Variants in GCN1 observed in about 807,000 individuals in gnomAD.
GCN1 encodes GCN1 activator of EIF2AK4, also known as stalled ribosome sensor GCN1.
A neutral mutation model predicts 288.4 loss-of-function variants in GCN1; 90 were observed. The observed-to-expected ratio is 0.31, with a 90% CI of 0.26 to 0.37. GCN1 has a LOEUF of 0.37. Ranked by LOEUF, GCN1 falls within the 10% of genes least tolerant of loss-of-function variation. The pLI is 1.00. For synonymous variants in GCN1, 1,386 were observed against 1,420.2 expected (o/e 0.98, Z 0.54); for missense variants, 2,586 against 3,419.9 (o/e 0.76, Z 6.08).
chr12:120,168,367 CCTGAAG>C, intron 15 of GCN1, 67 bp from the exon 16 acceptor site: 1 of 927,246 alleles, frequency 1.1e-6, no homozygotes, highest in Non-Finnish European at 1.8e-6. Flanking sequence ...TCTACTCCAT[CCTGAAG>C]CTGCTGGGGT....
At chr12:120,186,750 T>A (rs770892425) in intron 2 of GCN1, among the ~76,000 whole-genome samples, 27 of 152,320 alleles carry the variant, frequency 1.8e-4, no homozygotes, top group Middle Eastern at 3.4e-3. Flanking sequence ...CACTGTGAGC[T>A]TACCATACCC....
Position 120,134,826 on chromosome 12 carries a change from G to A in GCN1, c.7009-100C>T. 1 of 985,158 alleles carries A rather than the reference G, an allele frequency of 1.0e-6. No homozygotes were observed. Among genetic ancestry groups the A allele is most frequent in the Non-Finnish European group, 1.6e-6 (1 of 635,594 alleles). The allele number at this position is 985,158 out of a possible 1,614,324, so 61.0% of individuals were successfully genotyped here. On this transcript the variant is annotated intron_variant, in intron 51 of 57. Coordinates refer to ENST00000300648, the MANE Select transcript of GCN1 (RefSeq NM_006836.2). This position sits in a 1 kb window ranked among gnomAD's most constrained non-coding sequence, Gnocchi z 5.0. ...CAAATGACAATCCCAAACCACCACA[G>A]CGAGTCCAGCTCTCATACAGGGCTG... is the stretch of plus-strand genomic sequence containing the variant.
rs542555864 is a variant in GCN1 at position 120,166,185 on chromosome 12, C to G, written c.1613-1464G>C. ...TGGGAGGCCAAAGCAGGCAGGTCAC[C>G]TGAAGTCAGGAGTTCGAGACCAGCC... On this transcript the variant is annotated intron_variant, in intron 16 of 57. Coordinates refer to ENST00000300648, the MANE Select transcript of GCN1 (RefSeq NM_006836.2). Among the ~76,000 whole-genome samples the G allele has an allele frequency of 1.7e-4, 25 of 151,132 alleles. 1 individual carries two copies. The East Asian group carries it at 5.0e-3, about 30-fold the overall frequency.
chr12:120,137,201 C>T lies in GCN1; in HGVS notation c.6777+5G>A, dbSNP rs1484090241. On this transcript the variant is annotated splice_donor_5th_base_variant and intron_variant, in intron 50 of 57. Coordinates refer to ENST00000300648, the MANE Select transcript of GCN1 (RefSeq NM_006836.2). The surrounding 1 kb of genome is among the most constrained non-coding windows in gnomAD (Gnocchi z 5.2). ...CACAGCCCCCTGCACGAGGCCCTGGCTTACCTTCTTCGGGAGGCAGAATCC... is the reference window on the plus strand; with the variant it reads ...CACAGCCCCCTGCACGAGGCCCTGGTTTACCTTCTTCGGGAGGCAGAATCC... 6.2e-7 allele frequency: 1 copy of T among 1,609,470 alleles called. No homozygotes were observed.
chr12:120,138,895 G>A (rs747604057), intron 45 of GCN1, 39 bp from the exon 46 acceptor site: 43 of 1,561,506 alleles, frequency 2.8e-5, no homozygotes, highest in Non-Finnish European at 3.4e-5. Context: ...ATGCAGGAAA[G>A]GCAAAGAAGG....
chr12:120,163,642 T>A (rs1878007279), intron 18 of GCN1, among the ~76,000 whole-genome samples: 1 of 152,028 alleles, frequency 6.6e-6, no homozygotes, highest in Middle Eastern at 3.2e-3. Context: ...TCTCCCTCCG[T>A]CGGGGGAGAC....
At chr12:120,130,148 A>G (rs1005260) in intron 56 of GCN1, among the ~76,000 whole-genome samples, 152,094 of 152,296 alleles carry the variant, frequency 1, 75,947 homozygotes, top group Middle Eastern at 1. Context: ...TCACTAAAAT[A>G]CACCCTGGCT....
At position 120,127,572 on chromosome 12, in the gene GCN1, G is replaced by C; in HGVS notation, c.*277C>G. On this transcript the variant is annotated 3_prime_UTR_variant, in exon 58 of 58. Transcript: ENST00000300648. ...CCCTGCTATTATAGTTCCAGACCTA[G>C]CCATGCTAAACTGGACAAACAGCTC... is the stretch of plus-strand genomic sequence containing the variant. 2.7e-6 allele frequency: 1 copy of C among 369,046 alleles called. No individual in the cohort carries two copies. Among genetic ancestry groups the C allele is most frequent in the South Asian group, 2.9e-5 (1 of 34,128 alleles). 22.9% of individuals were successfully genotyped at this position (369,046 alleles called of 1,614,324 possible).
chr12:120,158,079 G>A lies in GCN1; in HGVS notation c.2906-49C>T, dbSNP rs117191025. On this transcript the variant is annotated intron_variant, in intron 25 of 57. Coordinates refer to ENST00000300648, the MANE Select transcript of GCN1 (RefSeq NM_006836.2). The surrounding 1 kb of genome is among the most constrained non-coding windows in gnomAD (Gnocchi z 4.3). ...GATTCTGCAGGCAGGGCAGGGACCCGGGCCACTGCTGCCTATTTCTATCCT... is the reference window on the plus strand; with the variant it reads ...GATTCTGCAGGCAGGGCAGGGACCCAGGCCACTGCTGCCTATTTCTATCCT... The A allele has an allele frequency of 0.012, 18,484 of 1,567,218 alleles. 209 individuals carry two copies. Among genetic ancestry groups the A allele is most frequent in the South Asian group, 0.042 (3,716 of 88,076 alleles).
intron 5 of GCN1, among the ~76,000 whole-genome samples, chr12:120,182,306 T>C (rs1202885822): frequency 6.6e-6 from 1 of 152,102 alleles, no homozygotes; most frequent in South Asian, 2.1e-4. Context: ...TCCTTGACCC[T>C]CAAGGTTTCA....
chr12:120,137,448 G>T lies in GCN1; in HGVS notation c.6663+97C>A. Reference sequence around the variant, plus strand: ...ACGAGTGGGTAAACGCCGAAGCTGAGTGACAGGTACGTGGGGGATTCTTAT... The same window carrying T: ...ACGAGTGGGTAAACGCCGAAGCTGATTGACAGGTACGTGGGGGATTCTTAT... On this transcript the variant is annotated intron_variant, in intron 49 of 57. Coordinates refer to ENST00000300648, the MANE Select transcript of GCN1 (RefSeq NM_006836.2). This position sits in a 1 kb window ranked among gnomAD's most constrained non-coding sequence, Gnocchi z 5.2. 1 of 1,443,240 alleles carries T rather than the reference G, an allele frequency of 6.9e-7. No homozygotes were observed. The highest frequency in any genetic ancestry group is 9.7e-7 in the Non-Finnish European group (1 of 1,033,112). 89.4% of individuals were successfully genotyped at this position (1,443,240 alleles called of 1,614,324 possible).
chr12:120,127,959 G>A lies in GCN1; in HGVS notation c.7906C>T (p.Leu2636=). 2.5e-6 allele frequency: 4 copies of A among 1,614,064 alleles called. No homozygotes were observed. Among genetic ancestry groups the A allele is most frequent in the South Asian group, 2.2e-5 (2 of 91,080 alleles). Residue 2636 remains leucine, a synonymous_variant, in exon 58 of 58, where the codon CTG becomes TTG. Coordinates refer to ENST00000300648, the MANE Select transcript of GCN1 (RefSeq NM_006836.2). ...EEVFQSLSKI[L]DVASLEVLNE... Reference sequence around the variant, plus strand: ...AGCACCTCCAAACTGGCCACATCCAGGATCTTGGAGAGGGACTGTGGGGAA... The same window carrying A: ...AGCACCTCCAAACTGGCCACATCCAAGATCTTGGAGAGGGACTGTGGGGAA...
chr12:120,139,775 GC>G (rs1877131624), intron 45 of GCN1, among the ~76,000 whole-genome samples: 1 of 152,050 alleles, frequency 6.6e-6, no homozygotes, highest in African/African-American at 2.4e-5. Context: ...ATGGCATCTG[GC>G]CCCCTCTCTC....
Position 120,127,453 on chromosome 12 carries a change from C to T in GCN1, c.*396G>A. 1 of 188,002 alleles carries T rather than the reference C, an allele frequency of 5.3e-6. No individual in the cohort carries two copies. Among genetic ancestry groups the T allele is most frequent in the Non-Finnish European group, 1.1e-5 (1 of 88,632 alleles). 11.6% of individuals were successfully genotyped at this position (188,002 alleles called of 1,614,324 possible). The stretch of plus-strand genomic sequence containing the variant: ...CACACCACACTGGGCAGAGATCCAC[C>T]GTCTGTGCCCCACTCGGGATATAGG... On this transcript the variant is annotated 3_prime_UTR_variant, in exon 58 of 58. Coordinates refer to ENST00000300648, the MANE Select transcript of GCN1 (RefSeq NM_006836.2).
chr12:120,143,693 C>T (rs1566301267), intron 42 of GCN1, among the ~76,000 whole-genome samples: 1 of 152,048 alleles, frequency 6.6e-6, no homozygotes, highest in East Asian at 1.9e-4. Flanking sequence ...TTATGTCTAA[C>T]AGCTTTAAGC....
At chr12:120,190,634 T>C (rs1011240748) in intron 1 of GCN1, among the ~76,000 whole-genome samples, 4 of 152,152 alleles carry the variant, frequency 2.6e-5, no homozygotes, top group Non-Finnish European at 5.9e-5. Flanking sequence ...CCCGCCCCAG[T>C]TGTGACATTG....
chr12:120,146,831 C>T (rs1313321728), intron 38 of GCN1, among the ~76,000 whole-genome samples: 4 of 152,204 alleles, frequency 2.6e-5, no homozygotes, highest in Non-Finnish European at 4.4e-5. Context: ...GAAGACAGGC[C>T]TTTCTGGGCC....
chr12:120,149,158 G>C (rs1191498688), intron 36 of GCN1, among the ~76,000 whole-genome samples: 2 of 152,078 alleles, frequency 1.3e-5, no homozygotes, highest in African/African-American at 4.8e-5. Context: ...CCTGACTTAG[G>C]GTTGTGGCTC....
At chr12:120,193,907 T>C (rs1237040806) in intron 1 of GCN1, among the ~76,000 whole-genome samples, 1 of 152,230 alleles carries the variant, frequency 6.6e-6, no homozygotes, top group African/African-American at 2.4e-5. Context: ...TCAGCCCAGC[T>C]GTCCTTAGAC....
Sources: allele counts gnomAD v4.1 joint callset (sites outside exome capture counted in the v4.1 genomes callset), GRCh38; gene constraint gnomAD v4.1.1; non-coding constraint Gnocchi (gnomAD v3.1); transcripts MANE v1.5; gene names NCBI Gene and HGNC (gene_info 2026-07-23, HGNC 2026-07-21).